Variants in ATRNL1 observed in about 807,000 individuals in gnomAD.
ATRNL1 encodes attractin-like protein 1.
Under a neutral mutation model 182.7 loss-of-function variants are expected in ATRNL1, and 95 were observed. That is an observed-to-expected ratio of 0.52 (90% CI 0.44 to 0.62). The LOEUF (loss-of-function observed/expected upper bound fraction) is 0.62. ATRNL1 is among the 20% of genes least tolerant of loss of function. ATRNL1 has a pLI of 0.00. For missense variants in ATRNL1, 1,471 were observed against 1,679.5 expected (o/e 0.88, Z 2.17); for synonymous variants, 576 against 568.3 (o/e 1.01, Z -0.19).
At chr10:115,383,104 T>G (rs938861010) in intron 19 of ATRNL1, among the ~76,000 whole-genome samples, 5 of 141,832 alleles carry the variant, frequency 3.5e-5, no homozygotes. Context: ...TCGGTTATTT[T>G]TGTTTGTTTT....
At chr10:115,647,072 A>G in intron 26 of ATRNL1, among the ~76,000 whole-genome samples, 1 of 151,396 alleles carries the variant, frequency 6.6e-6, no homozygotes, top group South Asian at 2.1e-4. Context: ...TGTCCTTGCG[A>G]TAGTTTGCTC....
chr10:115,384,669 AT>A (rs1472461144), intron 19 of ATRNL1, among the ~76,000 whole-genome samples: 2 of 151,858 alleles, frequency 1.3e-5, no homozygotes, highest in African/African-American at 2.4e-5. Context: ...ACCATTAAAC[AT>A]TTTAAAAATC....
At position 115,883,805 on chromosome 10, in the gene ATRNL1, C is replaced by G. The variant is rs144056383; in HGVS notation, c.4018+35814C>G. Among the ~76,000 whole-genome samples the G allele has an allele frequency of 5.1e-4, 78 of 152,354 alleles. 2 individuals are homozygous for G. The East Asian group carries it at 0.014, about 27-fold the overall frequency. ...ACGTTCTGCCTAAGGCCTGGGCCTT[C>G]TGCCTGGGTAAGAATCTCTGACCAG... On this transcript the variant is annotated intron_variant, in intron 28 of 28. Transcript: ENST00000355044.
At chr10:115,740,664 C>A (rs2134095434) in intron 27 of ATRNL1, among the ~76,000 whole-genome samples, 1 of 152,204 alleles carries the variant, frequency 6.6e-6, no homozygotes, top group Middle Eastern at 3.4e-3. Context: ...CACCACCATG[C>A]CTTGCTAATT....
intron 19 of ATRNL1, among the ~76,000 whole-genome samples, chr10:115,384,207 T>G (rs1006018996): frequency 6.6e-6 from 1 of 152,168 alleles, no homozygotes; most frequent in East Asian, 1.9e-4. Flanking sequence ...TTGTCATAAC[T>G]ATATGTATTT....
At chr10:115,676,144 A>G (rs1411226628) in intron 26 of ATRNL1, among the ~76,000 whole-genome samples, 1 of 152,238 alleles carries the variant, frequency 6.6e-6, no homozygotes, top group East Asian at 1.9e-4. Flanking sequence ...GTTAGATGAA[A>G]TTTACTCTAG....
chr10:115,786,791 G>A (rs1237363585), intron 27 of ATRNL1, among the ~76,000 whole-genome samples: 2 of 152,042 alleles, frequency 1.3e-5, no homozygotes. Context: ...AAGTTGCTAT[G>A]GTGATAGTTT....
chr10:115,938,323 G>A (rs117131908), intron 28 of ATRNL1, among the ~76,000 whole-genome samples: 34 of 152,240 alleles, frequency 2.2e-4, no homozygotes, highest in Non-Finnish European at 4.4e-4. Flanking sequence ...TTTCTCCTTG[G>A]TGGTTTTCAT....
intron 26 of ATRNL1, among the ~76,000 whole-genome samples, chr10:115,602,605 T>A (rs2133945984): frequency 6.6e-6 from 1 of 152,276 alleles, no homozygotes; most frequent in East Asian, 1.9e-4. Context: ...GGCTCATGCC[T>A]GTAATCCAAA....
At chr10:115,614,831 T>C (rs1362870897) in intron 26 of ATRNL1, among the ~76,000 whole-genome samples, 5 of 152,200 alleles carry the variant, frequency 3.3e-5, no homozygotes, top group Non-Finnish European at 7.3e-5. Context: ...CTGATATAAG[T>C]ATGGTACTCC....
intron 9 of ATRNL1, among the ~76,000 whole-genome samples, chr10:115,228,050 T>A (rs1372081876): frequency 6.6e-6 from 1 of 152,262 alleles, no homozygotes; most frequent in East Asian, 1.9e-4. Flanking sequence ...ATATATATTA[T>A]ACTTCATAAA....
At chr10:115,648,553 T>C (rs1306230648) in intron 26 of ATRNL1, among the ~76,000 whole-genome samples, 1 of 152,122 alleles carries the variant, frequency 6.6e-6, no homozygotes, top group Non-Finnish European at 1.5e-5. Flanking sequence ...GACTTCAAAC[T>C]GTACTACAAG....
rs1376377965 is a variant in ATRNL1 at position 115,171,122 on chromosome 10, A to T, written c.1178A>T (p.Gln393Leu). The change falls in exon 8 of 29, where the codon CAG (glutamine) becomes CTG (leucine). Residue 393 changes from glutamine to leucine, a missense_variant. By Grantham distance (113) the Gln-to-Leu change is moderately radical. Transcript: ENST00000355044. Reference protein sequence around the residue: ...DELWVFNIHSQSWSTKTPTVL... With the variant: ...DELWVFNIHSLSWSTKTPTVL... ...TTATGGGTTTTTAACATACATAGTC[A>T]GTCATGGAGTACAAAAACTCCTACT... is the stretch of plus-strand genomic sequence containing the variant. The T allele has an allele frequency of 6.2e-7, 1 of 1,606,260 alleles. No homozygotes were observed. The highest frequency in any genetic ancestry group is 8.5e-7 in the Non-Finnish European group (1 of 1,175,230).
At chr10:115,147,046 C>T (rs1352506411) in intron 5 of ATRNL1, among the ~76,000 whole-genome samples, 1 of 152,086 alleles carries the variant, frequency 6.6e-6, no homozygotes, top group Admixed American at 6.6e-5. Context: ...TGAGGAGTTT[C>T]CATACTGTTT....
chr10:115,522,260 G>A (rs74158363), intron 25 of ATRNL1, among the ~76,000 whole-genome samples: 2,327 of 152,280 alleles, frequency 0.015, 54 homozygotes, highest in African/African-American at 0.053. Context: ...TGTACAAGAA[G>A]TAGGGTGCCA....
chr10:115,944,354 A>G (rs1272844847), intron 28 of ATRNL1, among the ~76,000 whole-genome samples: 4 of 151,690 alleles, frequency 2.6e-5, no homozygotes, highest in Non-Finnish European at 5.9e-5. Flanking sequence ...GTGTTCAGAC[A>G]TGGAGAGGAA....
chr10:115,424,959 A>G (rs1279144502), intron 20 of ATRNL1, among the ~76,000 whole-genome samples: 1 of 152,134 alleles, frequency 6.6e-6, no homozygotes, highest in African/African-American at 2.4e-5. Context: ...TGGAAATGTC[A>G]CAGAAAACCT....
chr10:115,846,127 A>G (rs1475313679), intron 27 of ATRNL1, among the ~76,000 whole-genome samples: 1 of 152,088 alleles, frequency 6.6e-6, no homozygotes. Context: ...AAAACCATAG[A>G]TCATGTAACT....
chr10:115,239,970 T>A (rs1383055419), intron 9 of ATRNL1, among the ~76,000 whole-genome samples: 1 of 152,142 alleles, frequency 6.6e-6, no homozygotes, highest in Non-Finnish European at 1.5e-5. Context: ...AGGAGCCTTA[T>A]GTTCTTGGCT....
Sources: gnomAD v4.1 joint callset for allele counts (sites outside exome capture counted in the v4.1 genomes callset) on GRCh38, gnomAD v4.1.1 for gene constraint, MANE v1.5 for transcripts, NCBI Gene and HGNC (gene_info 2026-07-23, HGNC 2026-07-21) for gene names.